The following TRPC6 variants were observed in gnomAD, a reference collection of about 807,000 sequenced individuals.
The protein encoded by TRPC6 is transient receptor potential cation channel subfamily C member 6.
In TRPC6, 55 loss-of-function variants were observed where a neutral mutation model predicts 90.7. The ratio of observed to expected loss-of-function variants is 0.61; its 90% CI spans 0.49 to 0.76. TRPC6 has a LOEUF of 0.76. Ranked by LOEUF, TRPC6 falls within the 30% of genes least tolerant of loss-of-function variation. The pLI is 0.00. For synonymous variants in TRPC6, 393 were observed against 393.0 expected, an observed-to-expected ratio of 1.00 and a Z score of 0.00; for missense variants, 989 against 1,122.7, an observed-to-expected ratio of 0.88 and a Z score of 1.70.
intron 1 of TRPC6, among the ~76,000 whole-genome samples, chr11:101,531,643 T>C (rs1362416271): frequency 2.6e-5 from 4 of 152,206 alleles, no homozygotes; most frequent in Non-Finnish European, 5.9e-5. Context: ...CAGGCACAAT[T>C]TGAGGCGTTT....
At chr11:101,567,717 A>G (rs1861868339) in intron 1 of TRPC6, among the ~76,000 whole-genome samples, 1 of 152,214 alleles carries the variant, frequency 6.6e-6, no homozygotes, top group Non-Finnish European at 1.5e-5. Flanking sequence ...GTGATAACCC[A>G]GGCAAACAGG....
At chr11:101,527,574 A>G (rs1269623837) in intron 1 of TRPC6, among the ~76,000 whole-genome samples, 1 of 152,176 alleles carries the variant, frequency 6.6e-6, no homozygotes, top group African/African-American at 2.4e-5. Flanking sequence ...GTGTGCACAC[A>G]TGCATGTTAT....
intron 1 of TRPC6, among the ~76,000 whole-genome samples, chr11:101,570,257 A>G (rs898072784): frequency 2.0e-4 from 30 of 152,236 alleles, no homozygotes; most frequent in Non-Finnish European, 2.1e-4. Context: ...CTATGCAAAT[A>G]AAGTAGAAAA....
At position 101,487,218 on chromosome 11, in the gene TRPC6, T is replaced by C. The variant is rs147052517; in HGVS notation, c.1293+1719A>G. On this transcript the variant is annotated intron_variant, in intron 4 of 12. Coordinates refer to ENST00000344327, the MANE Select transcript of TRPC6 (RefSeq NM_004621.6). ...AAATTATTCAGTTTAGGAAAGAGAT[T>C]ATAATTTAACTGGTCACAGAATGAG... 5.3e-3 allele frequency among the ~76,000 whole-genome samples: 814 copies of C among 152,198 alleles called. 3 individuals carry two copies. The highest frequency in any genetic ancestry group is 0.019 in the African/African-American group (775 of 41,540).
At chr11:101,582,609 C>T (rs751439499) in intron 1 of TRPC6, among the ~76,000 whole-genome samples, 1 of 152,114 alleles carries the variant, frequency 6.6e-6, no homozygotes, top group Non-Finnish European at 1.5e-5. Flanking sequence ...CTTGCAGTTA[C>T]CCACAGCCCA....
intron 1 of TRPC6, among the ~76,000 whole-genome samples, chr11:101,562,782 C>T (rs561114668): frequency 1.3e-5 from 2 of 152,162 alleles, no homozygotes; most frequent in African/African-American, 4.8e-5. Context: ...TGGATCCAGA[C>T]TGCTTGAGTT....
intron 1 of TRPC6, among the ~76,000 whole-genome samples, chr11:101,582,920 C>G (rs915971950): frequency 6.6e-6 from 1 of 152,064 alleles, no homozygotes; most frequent in Non-Finnish European, 1.5e-5. Context: ...ATCTCTCCCC[C>G]ACATAGGCTA....
intron 1 of TRPC6, among the ~76,000 whole-genome samples, chr11:101,546,510 C>T (rs1013739790): frequency 1.3e-5 from 2 of 151,992 alleles, no homozygotes; most frequent in Non-Finnish European, 2.9e-5. Flanking sequence ...ATGAAGTGAC[C>T]AGAGAAACCT....
chr11:101,581,598 C>T (rs1862197558), intron 1 of TRPC6, among the ~76,000 whole-genome samples: 1 of 144,768 alleles, frequency 6.9e-6, no homozygotes, highest in South Asian at 2.3e-4. Flanking sequence ...AAACCTATAA[C>T]CCTCAGACAT....
At chr11:101,547,371 T>C (rs180717597) in intron 1 of TRPC6, among the ~76,000 whole-genome samples, 19 of 152,294 alleles carry the variant, frequency 1.2e-4, no homozygotes, top group African/African-American at 4.1e-4. Context: ...TCCTTTTTGA[T>C]ATGAGAATAA....
intron 1 of TRPC6, among the ~76,000 whole-genome samples, chr11:101,560,863 G>GA (rs930219391): frequency 1.4e-4 from 22 of 152,232 alleles, no homozygotes; most frequent in African/African-American, 5.1e-4. Context: ...CAAAGATGGG[G>GA]AAGAAGGTAA....
intron 1 of TRPC6, among the ~76,000 whole-genome samples, chr11:101,578,326 C>G (rs1226533723): frequency 6.6e-6 from 1 of 152,102 alleles, no homozygotes; most frequent in Non-Finnish European, 1.5e-5. Flanking sequence ...CTTTAAGAGA[C>G]TAGTTATCCT....
chr11:101,532,803 G>C (rs1018439926), intron 1 of TRPC6, among the ~76,000 whole-genome samples: 1 of 152,142 alleles, frequency 6.6e-6, no homozygotes, highest in African/African-American at 2.4e-5. Flanking sequence ...CTGTCACTTG[G>C]GGAGTTAAGA....
intron 1 of TRPC6, among the ~76,000 whole-genome samples, chr11:101,549,086 T>C (rs184056517): frequency 2.6e-4 from 40 of 152,016 alleles, no homozygotes; most frequent in Non-Finnish European, 1.3e-4. Flanking sequence ...TTTAAAAAGA[T>C]TGTGAGATGT....
intron 1 of TRPC6, among the ~76,000 whole-genome samples, chr11:101,531,414 C>A (rs1860910054): frequency 1.3e-5 from 2 of 152,208 alleles, no homozygotes; most frequent in African/African-American, 2.4e-5. Flanking sequence ...CCAAAGTCTG[C>A]ATCCTAAACC....
At chr11:101,547,469 T>C (rs77550382) in intron 1 of TRPC6, among the ~76,000 whole-genome samples, 2,837 of 152,244 alleles carry the variant, frequency 0.019, 107 homozygotes, top group African/African-American at 0.064. Flanking sequence ...TAGGAATCTA[T>C]TGGCTTATTT....
chr11:101,558,995 C>A (rs1334218919), intron 1 of TRPC6, among the ~76,000 whole-genome samples: 1 of 151,672 alleles, frequency 6.6e-6, no homozygotes, highest in African/African-American at 2.4e-5. Flanking sequence ...AAAGTGCAGA[C>A]AACAAAAGCA....
chr11:101,491,406 A>C (rs576187365), intron 3 of TRPC6, 150 bp downstream of exon 3: 72 of 990,244 alleles, frequency 7.3e-5, no homozygotes, highest in East Asian at 3.0e-4. Flanking sequence ...TGCACTCCAG[A>C]CTGGGCGACA....
chr11:101,453,849 C>G (rs1858822305), intron 11 of TRPC6, 124 bp from the exon 12 acceptor site: 2 of 898,666 alleles, frequency 2.2e-6, no homozygotes, highest in East Asian at 2.6e-5. Context: ...CTGTCAAGGA[C>G]TAAGATGATT....
Sources: allele counts gnomAD v4.1 joint callset (sites outside exome capture counted in the v4.1 genomes callset), GRCh38; gene constraint gnomAD v4.1.1; transcripts MANE v1.5; gene names NCBI Gene and HGNC (gene_info 2026-07-23, HGNC 2026-07-21).